SPTLC3: variants seen among roughly 807,000 people sequenced by gnomAD.
The protein encoded by SPTLC3 is serine palmitoyltransferase long chain base subunit 3.
SPTLC3 carries 36 observed loss-of-function variants against 59.3 expected under a neutral mutation model. The ratio of observed to expected loss-of-function variants is 0.61; its 90% CI spans 0.47 to 0.80. The LOEUF (loss-of-function observed/expected upper bound fraction) is 0.80. Ranked by LOEUF, SPTLC3 falls within the 30% of genes least tolerant of loss-of-function variation. The pLI, the probability that SPTLC3 is intolerant of heterozygous loss-of-function variation, is 0.00. For synonymous variants in SPTLC3, 257 were observed against 240.8 expected (o/e 1.07, Z -0.62); for missense variants, 625 against 685.1 (o/e 0.91, Z 0.98).
chr20:13,025,011 A>G (rs933806243), intron 1 of SPTLC3, among the ~76,000 whole-genome samples: 8 of 152,208 alleles, frequency 5.3e-5, no homozygotes, highest in African/African-American at 1.9e-4. Context: ...CAATTTCAAA[A>G]TTGATATTGT....
chr20:13,141,905 T>C (rs1600372208), intron 9 of SPTLC3, among the ~76,000 whole-genome samples: 1 of 152,334 alleles, frequency 6.6e-6, no homozygotes, highest in African/African-American at 2.4e-5. Context: ...AGGTCAGGGT[T>C]AGCAATCAAG....
chr20:13,010,707 G>T (rs904964242), intron 1 of SPTLC3, among the ~76,000 whole-genome samples: 3 of 152,140 alleles, frequency 2.0e-5, no homozygotes, highest in Non-Finnish European at 4.4e-5. Flanking sequence ...TACTCAAGAC[G>T]ATCCTTGCCT....
intron 6 of SPTLC3, among the ~76,000 whole-genome samples, chr20:13,106,844 G>A (rs1173547067): frequency 6.6e-6 from 1 of 152,188 alleles, no homozygotes; most frequent in East Asian, 1.9e-4. Context: ...TCAGATCTAG[G>A]TTTGGAACTA....
chr20:13,141,705 C>T (rs1184191209), intron 9 of SPTLC3, among the ~76,000 whole-genome samples: 1 of 152,184 alleles, frequency 6.6e-6, no homozygotes, highest in Non-Finnish European at 1.5e-5. Flanking sequence ...CCGAAAGAGG[C>T]TGAGGGCATG....
chr20:13,023,900 G>A (rs1057415862), intron 1 of SPTLC3, among the ~76,000 whole-genome samples: 4 of 152,156 alleles, frequency 2.6e-5, no homozygotes, highest in Non-Finnish European at 5.9e-5. Context: ...CTGGATTAGA[G>A]GGAAAATGAC....
At chr20:13,022,678 A>G (rs1985948679) in intron 1 of SPTLC3, among the ~76,000 whole-genome samples, 1 of 151,976 alleles carries the variant, frequency 6.6e-6, no homozygotes, top group Non-Finnish European at 1.5e-5. Flanking sequence ...GTTCAAGGGG[A>G]GGAGATTAGC....
At chr20:13,046,405 T>G (rs1311950707) in intron 1 of SPTLC3, among the ~76,000 whole-genome samples, 2 of 152,232 alleles carry the variant, frequency 1.3e-5, no homozygotes, top group Non-Finnish European at 2.9e-5. Context: ...TCCTTCTTTC[T>G]TCTTATCAAC....
At chr20:13,075,283 A>G (rs189469591) in intron 4 of SPTLC3, among the ~76,000 whole-genome samples, 47 of 152,286 alleles carry the variant, frequency 3.1e-4, no homozygotes, top group African/African-American at 1.1e-3. Context: ...TTTCTCTACT[A>G]CAGCCCTTCT....
rs35718222 is a variant in SPTLC3 at position 13,132,171 on chromosome 20, A to ATTT, written c.1279+5475_1279+5477dup. Among the ~76,000 whole-genome samples the ATTT allele has an allele frequency of 6.5e-3, 674 of 103,988 alleles. 18 individuals are homozygous for ATTT. Among genetic ancestry groups the ATTT allele is most frequent in the African/African-American group, 7.3e-3 (193 of 26,416 alleles). 68.2% of individuals were successfully genotyped at this position (103,988 alleles called of 152,430 possible). ...CTCTAATTCTCCTCACCTTGCTTTAATTTTTTTTTTTTTTTTTTTTTTTGA... is the reference window on the plus strand; with the variant it reads ...CTCTAATTCTCCTCACCTTGCTTTAATTTTTTTTTTTTTTTTTTTTTTTTTTGA... On this transcript the variant is annotated intron_variant, in intron 9 of 11. Transcript: ENST00000399002.
Position 13,031,096 on chromosome 20 carries a change from A to G in SPTLC3, c.118-17849A>G, listed in dbSNP as rs546301599. On this transcript the variant is annotated intron_variant, in intron 1 of 11. Coordinates refer to ENST00000399002, the MANE Select transcript of SPTLC3 (RefSeq NM_018327.4). The stretch of plus-strand genomic sequence containing the variant: ...CCGGAAATGCAGCCATAGGCAATAC[A>G]TGAACAAATGGATACAGCTGGGTTT... Among the ~76,000 whole-genome samples the G allele has an allele frequency of 1.3e-3, 198 of 152,288 alleles. 5 individuals are homozygous for G. The highest frequency in any genetic ancestry group is 8.9e-3 in the South Asian group (43 of 4,824).
At chr20:13,074,193 C>T in intron 3 of SPTLC3, 156 bp from the exon 4 acceptor site, 1 of 977,982 alleles carries the variant, frequency 1.0e-6, no homozygotes, top group African/African-American at 1.6e-5. Flanking sequence ...CCACCTCCTG[C>T]CAGCTCTGTT....
intron 2 of SPTLC3, 42 bp downstream of exon 2, chr20:13,049,172 C>G: frequency 1.3e-6 from 2 of 1,598,532 alleles, no homozygotes; most frequent in Non-Finnish European, 1.7e-6. Flanking sequence ...AATGCCTACT[C>G]CTCTCTAAAG....
intron 7 of SPTLC3, among the ~76,000 whole-genome samples, chr20:13,110,451 C>T (rs1439812994): frequency 6.6e-6 from 1 of 152,178 alleles, no homozygotes; most frequent in East Asian, 1.9e-4. Context: ...AAGGCTTCCT[C>T]AGAAATATCC....
At chr20:13,081,654 C>T (rs932229834) in intron 4 of SPTLC3, among the ~76,000 whole-genome samples, 4 of 152,004 alleles carry the variant, frequency 2.6e-5, no homozygotes, top group African/African-American at 4.8e-5. Context: ...CATATTTTTA[C>T]GTAAATCAAT....
rs538367659 is a variant in SPTLC3 at position 13,010,123 on chromosome 20, G to T, written c.117+739G>T. On this transcript the variant is annotated intron_variant, in intron 1 of 11. Coordinates refer to ENST00000399002, the MANE Select transcript of SPTLC3 (RefSeq NM_018327.4). Reference sequence around the variant, plus strand: ...GGAACTCGAGGAAAGTTGTCAGCTTGTTTTAAGAGAGAGCCTGGGTCTGTG... The same window carrying T: ...GGAACTCGAGGAAAGTTGTCAGCTTTTTTTAAGAGAGAGCCTGGGTCTGTG... 1.1e-4 allele frequency among the ~76,000 whole-genome samples: 16 copies of T among 151,842 alleles called. No individual in the cohort carries two copies. The South Asian group carries it at 3.3e-3, about 32-fold the overall frequency.
At chr20:13,084,559 G>A (rs1411402581) in intron 4 of SPTLC3, among the ~76,000 whole-genome samples, 1 of 152,052 alleles carries the variant, frequency 6.6e-6, no homozygotes, top group African/African-American at 2.4e-5. Flanking sequence ...TCTATAAAAT[G>A]AAGATAATAA....
intron 1 of SPTLC3, among the ~76,000 whole-genome samples, chr20:13,034,143 CA>C (rs1986626416): frequency 6.6e-6 from 1 of 151,946 alleles, no homozygotes; most frequent in Admixed American, 6.6e-5. Flanking sequence ...TGAAAACCAA[CA>C]ATTCCCAAAG....
intron 10 of SPTLC3, among the ~76,000 whole-genome samples, chr20:13,159,602 C>A (rs2038850017): frequency 6.6e-6 from 1 of 152,090 alleles, no homozygotes; most frequent in Non-Finnish European, 1.5e-5. Flanking sequence ...AATATAGATT[C>A]TTTCTTTATG....
At chr20:13,060,296 A>G (rs1362166666) in intron 2 of SPTLC3, among the ~76,000 whole-genome samples, 1 of 152,154 alleles carries the variant, frequency 6.6e-6, no homozygotes, top group Non-Finnish European at 1.5e-5. Context: ...GTGCAAGAGT[A>G]CATCTGATTA....
Sources: allele counts gnomAD v4.1 joint callset (sites outside exome capture counted in the v4.1 genomes callset), GRCh38; gene constraint gnomAD v4.1.1; transcripts MANE v1.5; gene names NCBI Gene and HGNC (gene_info 2026-07-23, HGNC 2026-07-21).